Variants in RGS6 observed in about 807,000 individuals in gnomAD.
The protein encoded by RGS6 is regulator of G protein signaling 6.
In RGS6, 30 loss-of-function variants were observed where a neutral mutation model predicts 78.5. The ratio of observed to expected loss-of-function variants is 0.38; its 90% CI spans 0.29 to 0.52. RGS6 has a LOEUF of 0.52. Ranked by LOEUF, RGS6 falls within the 20% of genes least tolerant of loss-of-function variation. The pLI is 0.85. For synonymous variants in RGS6, 206 were observed against 206.0 expected (o/e 1.00, Z 0.00); for missense variants, 495 against 609.7 (o/e 0.81, Z 1.98).
intron 2 of RGS6, among the ~76,000 whole-genome samples, chr14:72,099,701 C>T (rs1438117723): frequency 6.6e-6 from 1 of 152,138 alleles, no homozygotes; most frequent in Admixed American, 6.5e-5. Flanking sequence ...TGCTGTTGAC[C>T]ATGTAAGGAA....
the RGS6 span, among the ~76,000 whole-genome samples, chr14:71,883,928 CCT>C: frequency 6.6e-6 from 1 of 152,174 alleles, no homozygotes. Context: ...TAATCCACCC[CCT>C]GTTTAGCATA....
intron 2 of RGS6, among the ~76,000 whole-genome samples, chr14:72,350,598 C>G (rs2078930005): frequency 6.6e-6 from 1 of 152,170 alleles, no homozygotes; most frequent in Non-Finnish European, 1.5e-5. Context: ...AGAATTCTCT[C>G]TTGTCCCCCT....
intron 2 of RGS6, among the ~76,000 whole-genome samples, chr14:72,254,855 T>C (rs2239262): frequency 0.057 from 8,738 of 152,260 alleles, 362 homozygotes; most frequent in East Asian, 0.26. Context: ...TGGCTCATGC[T>C]TTCCATACAC....
intron 3 of RGS6, among the ~76,000 whole-genome samples, chr14:72,361,642 G>A (rs1280971433): frequency 6.6e-6 from 1 of 152,180 alleles, no homozygotes; most frequent in East Asian, 1.9e-4. Flanking sequence ...GGAACTGAGA[G>A]GCCATGATAC....
Position 72,464,004 on chromosome 14 carries a change from G to A in RGS6, c.395-1754G>A, listed in dbSNP as rs143558220. Among the ~76,000 whole-genome samples the A allele has an allele frequency of 2.4e-3, 365 of 152,272 alleles. 1 individual carries two copies. The highest frequency in any genetic ancestry group is 8.4e-3 in the African/African-American group (347 of 41,554). On this transcript the variant is annotated intron_variant, in intron 6 of 17. Transcript: ENST00000553525. Reference sequence around the variant, plus strand: ...ACTCATTTGACAGCCTTGTGAAGTAGGACCAAAGTGTTCTCTTTGATTATG... The same window carrying A: ...ACTCATTTGACAGCCTTGTGAAGTAAGACCAAAGTGTTCTCTTTGATTATG...
intron 2 of RGS6, among the ~76,000 whole-genome samples, chr14:72,286,041 C>G (rs1197371769): frequency 1.3e-5 from 2 of 152,064 alleles, no homozygotes; most frequent in Admixed American, 1.3e-4. Flanking sequence ...CCTATTTTTG[C>G]TTTTGTTGCC....
chr14:72,536,220 A>T lies in RGS6; in HGVS notation c.1313A>T (p.Tyr438Phe), dbSNP rs1397038997. The T allele has an allele frequency of 6.2e-7, 1 of 1,613,946 alleles. No individual in the cohort carries two copies. Among genetic ancestry groups the T allele is most frequent in the Admixed American group, 1.7e-5 (1 of 60,006 alleles). ...HIYKLMKSDS[Y>F]ARFLRSNAYQ... ...TACAAGCTGATGAAGAGTGACAGCT[A>T]TGCCCGCTTCCTCCGGTCAAATGCT... Residue 438 changes from tyrosine to phenylalanine, a missense_variant, in exon 16 of 18, where the codon TAT becomes TTT. Tyr to Phe is a conservative substitution (Grantham distance 22). Coordinates refer to ENST00000553525, the MANE Select transcript of RGS6 (RefSeq NM_001204424.2).
At chr14:72,189,222 C>G (rs535480391) in intron 2 of RGS6, among the ~76,000 whole-genome samples, 3 of 152,220 alleles carry the variant, frequency 2.0e-5, no homozygotes, top group Admixed American at 2.0e-4. Context: ...ACAAATAAGG[C>G]ACAATTCCAA....
At chr14:72,116,709 A>T (rs930560889) in intron 2 of RGS6, among the ~76,000 whole-genome samples, 1 of 152,022 alleles carries the variant, frequency 6.6e-6, no homozygotes, top group African/African-American at 2.4e-5. Context: ...CATGCCTGTA[A>T]CCCTAGCACT....
intron 17 of RGS6, among the ~76,000 whole-genome samples, chr14:72,557,407 G>A (rs1320818372): frequency 2.2e-4 from 33 of 152,072 alleles, no homozygotes; most frequent in Admixed American, 2.1e-3. Flanking sequence ...TTGCTCAGTG[G>A]AGAAGGAGCA....
chr14:72,006,765 T>A (rs1202004795), intron 2 of RGS6, among the ~76,000 whole-genome samples: 1 of 152,238 alleles, frequency 6.6e-6, no homozygotes. Context: ...TTATTATGCA[T>A]CAGTAGATAA....
rs61995105 is a variant in RGS6 at position 72,296,887 on chromosome 14, C to T, written c.85-55208C>T. On this transcript the variant is annotated intron_variant, in intron 2 of 17. Coordinates refer to ENST00000553525, the MANE Select transcript of RGS6 (RefSeq NM_001204424.2). ...ACAAAGATTTATCTTATATTTTCTT[C>T]TAGAATATTTATACTTTTAAGTTAT... is the stretch of plus-strand genomic sequence containing the variant. 7.7e-3 allele frequency among the ~76,000 whole-genome samples: 1,174 copies of T among 152,216 alleles called. 4 individuals are homozygous for T. The highest frequency in any genetic ancestry group is 0.02 in the Middle Eastern group (6 of 294).
intron 2 of RGS6, among the ~76,000 whole-genome samples, chr14:72,211,203 G>A (rs972364162): frequency 2.0e-5 from 3 of 152,184 alleles, no homozygotes; most frequent in African/African-American, 7.2e-5. Context: ...AGAAAGATAA[G>A]AGGAAAATCT....
At chr14:72,215,581 TG>T (rs1439512098) in intron 2 of RGS6, among the ~76,000 whole-genome samples, 1 of 152,228 alleles carries the variant, frequency 6.6e-6, no homozygotes, top group African/African-American at 2.4e-5. Flanking sequence ...TTCCATTGGC[TG>T]GAACGGGACC....
chr14:72,021,256 G>C (rs542880299), intron 2 of RGS6, among the ~76,000 whole-genome samples: 1 of 152,188 alleles, frequency 6.6e-6, no homozygotes, highest in South Asian at 2.1e-4. Flanking sequence ...CTGCCTGGCT[G>C]AGCACTTTGC....
chr14:72,339,766 G>A (rs1384772003), intron 2 of RGS6, among the ~76,000 whole-genome samples: 2 of 151,402 alleles, frequency 1.3e-5, no homozygotes, highest in Non-Finnish European at 2.9e-5. Context: ...TGTGTTCGGA[G>A]GCAGCATTAA....
At chr14:71,913,316 A>C in the RGS6 span, among the ~76,000 whole-genome samples, 2 of 152,182 alleles carry the variant, frequency 1.3e-5, no homozygotes, top group South Asian at 2.1e-4. Flanking sequence ...CCTGCAAGGC[A>C]TATGTACTAG....
intron 2 of RGS6, among the ~76,000 whole-genome samples, chr14:72,094,071 GATGTTTCTTA>G (rs750166707): frequency 7.9e-5 from 12 of 152,120 alleles, no homozygotes; most frequent in African/African-American, 2.2e-4. Context: ...CTTATTAAGG[GATGTTTCTTA>G]ATGTTTCTTG....
At chr14:72,337,100 CA>C (rs1343829218) in intron 2 of RGS6, among the ~76,000 whole-genome samples, 1 of 151,960 alleles carries the variant, frequency 6.6e-6, no homozygotes, top group East Asian at 1.9e-4. Context: ...AGGGGATTCC[CA>C]AAGAGTTGTC....
Sources: allele counts gnomAD v4.1 joint callset (sites outside exome capture counted in the v4.1 genomes callset), GRCh38; gene constraint gnomAD v4.1.1; transcripts MANE v1.5; gene names NCBI Gene and HGNC (gene_info 2026-07-23, HGNC 2026-07-21).